ADAM22: variants seen among roughly 807,000 people sequenced by gnomAD.
The protein encoded by ADAM22 is disintegrin and metalloproteinase domain-containing protein 22.
A neutral mutation model predicts 144.6 loss-of-function variants in ADAM22; 65 were observed. The ratio of observed to expected loss-of-function variants is 0.45; its 90% CI spans 0.37 to 0.55. ADAM22 has a LOEUF of 0.55. Among genes scored for constraint, ADAM22 ranks in the 20% least tolerant of loss-of-function variants. ADAM22 has a pLI of 0.00. For missense variants in ADAM22, 974 were observed against 1,184.9 expected (o/e 0.82, Z 2.61); for synonymous variants, 391 against 412.6 (o/e 0.95, Z 0.63).
intron 17 of ADAM22, among the ~76,000 whole-genome samples, chr7:88,147,024 C>T (rs1836689906): frequency 6.6e-6 from 1 of 152,228 alleles, no homozygotes; most frequent in African/African-American, 2.4e-5. Context: ...TGTTTTAAGT[C>T]TGCCCATCTA....
intron 14 of ADAM22, among the ~76,000 whole-genome samples, chr7:88,140,659 G>A (rs559280608): frequency 2.0e-5 from 3 of 152,008 alleles, no homozygotes; most frequent in South Asian, 2.1e-4. Context: ...CCTGGGCAAC[G>A]TGGGGAAACT....
chr7:88,191,570 C>A (rs1344358003), intron 30 of ADAM22, among the ~76,000 whole-genome samples: 2 of 152,000 alleles, frequency 1.3e-5, no homozygotes, highest in African/African-American at 4.8e-5. Flanking sequence ...CTTACATGTA[C>A]CAAATTTGTT....
chr7:88,182,657 G>C (rs911854472), intron 29 of ADAM22, among the ~76,000 whole-genome samples: 1 of 151,854 alleles, frequency 6.6e-6, no homozygotes, highest in Non-Finnish European at 1.5e-5. Context: ...AGGGGGGTGG[G>C]TTTAGAAGTC....
intron 3 of ADAM22, among the ~76,000 whole-genome samples, chr7:88,053,151 C>A (rs1335690828): frequency 6.6e-6 from 1 of 152,054 alleles, no homozygotes; most frequent in Non-Finnish European, 1.5e-5. Flanking sequence ...TGAATATACA[C>A]AGACACACAG....
chr7:88,103,592 A>C (rs1442230712), intron 4 of ADAM22, among the ~76,000 whole-genome samples: 1 of 152,150 alleles, frequency 6.6e-6, no homozygotes, highest in Non-Finnish European at 1.5e-5. Context: ...AAGGAGTATG[A>C]AGAAAGTTTC....
chr7:88,096,502 A>G (rs76462560), intron 4 of ADAM22, among the ~76,000 whole-genome samples: 7,218 of 149,028 alleles, frequency 0.048, 463 homozygotes, highest in East Asian at 0.26. Flanking sequence ...CCACACACAC[A>G]TATATATATA....
intron 2 of ADAM22, among the ~76,000 whole-genome samples, chr7:87,976,661 G>A (rs147181367): frequency 6.6e-6 from 1 of 152,308 alleles, no homozygotes; most frequent in Non-Finnish European, 1.5e-5. Context: ...CAGCTTTGGG[G>A]AAGTGTCTAG....
intron 3 of ADAM22, among the ~76,000 whole-genome samples, chr7:88,006,655 T>C (rs1161903621): frequency 6.1e-5 from 9 of 147,404 alleles, no homozygotes; most frequent in Admixed American, 2.8e-4. Flanking sequence ...AAAAACCACA[T>C]GATTATCTCA....
Position 88,151,261 on chromosome 7 carries a change from T to C in ADAM22, c.1622T>C (p.Ile541Thr), listed in dbSNP as rs1838279488. The C allele has an allele frequency of 1.2e-6, 2 of 1,614,018 alleles. No homozygotes were observed. Among genetic ancestry groups the C allele is most frequent in the African/African-American group, 1.3e-5 (1 of 74,934 alleles). ...DGYSCDGVQG[I>T]CFGGRCKTRD... is the part of the protein sequence containing the mutation. ...GTATTTGCTTTTCCGTTTTAGGGAA[T>C]TTGCTTTGGAGGAAGATGCAAAACC... is the stretch of plus-strand genomic sequence containing the variant. Residue 541 changes from isoleucine to threonine, a missense_variant, in exon 20 of 32, where the codon ATT becomes ACT. This residue lies in a region of ADAM22 where 734 missense variants were observed against 950.6 expected (regional missense o/e 0.77). Transcript: ENST00000413139.
chr7:88,072,798 G>T (rs1234198426), intron 3 of ADAM22, among the ~76,000 whole-genome samples: 2 of 152,154 alleles, frequency 1.3e-5, no homozygotes, highest in Non-Finnish European at 2.9e-5. Flanking sequence ...TACATCTGGG[G>T]AAGTTTTTAA....
At position 87,937,472 on chromosome 7, in the gene ADAM22, A is replaced by G. The variant is rs945503941; in HGVS notation, c.246+2286A>G. On this transcript the variant is annotated intron_variant, in intron 2 of 31. Coordinates refer to ENST00000413139, the MANE Select transcript of ADAM22 (RefSeq NM_001324418.2). The stretch of plus-strand genomic sequence containing the variant: ...AGACTGAGGGAAGAAGAGATACAGA[A>G]AAAGAAAATGACAGGATTGAACCTG... Among the ~76,000 whole-genome samples the G allele has an allele frequency of 6.6e-5, 10 of 152,328 alleles. No homozygotes were observed. In the South Asian group the frequency reaches 2.1e-3, roughly 32 times the overall value.
intron 12 of ADAM22, 66 bp downstream of exon 12, chr7:88,133,017 GAGATAATTTCTCAGTATTCACATACTCC>G: frequency 7.0e-7 from 1 of 1,433,112 alleles, no homozygotes; most frequent in Non-Finnish European, 9.8e-7. Flanking sequence ...TCATACTTAA[GAGATAATTTCTCAGTATTCACATACTCC>G]AGATGTTAGA....
chr7:87,984,044 A>G (rs1313671651), intron 3 of ADAM22, among the ~76,000 whole-genome samples: 1 of 152,114 alleles, frequency 6.6e-6, no homozygotes, highest in Non-Finnish European at 1.5e-5. Flanking sequence ...TGGATAATTC[A>G]TTGTTTTGTC....
chr7:88,125,340 A>G (rs1830153463), intron 7 of ADAM22, among the ~76,000 whole-genome samples: 1 of 152,048 alleles, frequency 6.6e-6, no homozygotes, highest in African/African-American at 2.4e-5. Flanking sequence ...TGATATTTAT[A>G]AGAGAAATAT....
At chr7:87,944,278 T>C (rs1843032299) in intron 2 of ADAM22, among the ~76,000 whole-genome samples, 3 of 151,214 alleles carry the variant, frequency 2.0e-5, no homozygotes, top group African/African-American at 7.4e-5. Context: ...GTCAGGCTGG[T>C]ACACACAATT....
chr7:88,044,132 G>A (rs1029786633), intron 3 of ADAM22, among the ~76,000 whole-genome samples: 6 of 152,182 alleles, frequency 3.9e-5, no homozygotes, highest in Non-Finnish European at 5.9e-5. Context: ...TTTCAAAATT[G>A]TAGTCAAATA....
At chr7:88,159,115 A>G (rs1840835327) in intron 22 of ADAM22, among the ~76,000 whole-genome samples, 1 of 152,282 alleles carries the variant, frequency 6.6e-6, no homozygotes, top group African/African-American at 2.4e-5. Context: ...ATCAGAGACT[A>G]CTACGAACAC....
chr7:88,132,941 G>T lies in ADAM22; in HGVS notation c.1067G>T (p.Gly356Val), dbSNP rs1360279231. ...ATTTGCTCGTTGCTGAAAGGAGGAG[G>T]CGTGAATGAAGTAGGTGTGAACATC... is the stretch of plus-strand genomic sequence containing the variant. ...GGICSLLKGGGVNEFGKTDLM... is the reference protein window; with the variant it reads ...GGICSLLKGGVVNEFGKTDLM... The change falls in exon 12 of 32, where the codon GGC (glycine) becomes GTC (valine). Residue 356 changes from glycine to valine, a missense_variant. By Grantham distance (109) the Gly-to-Val change is moderately radical. This residue lies in a region of ADAM22 where 734 missense variants were observed against 950.6 expected (regional missense o/e 0.77). Transcript: ENST00000413139. 6.2e-7 allele frequency: 1 copy of T among 1,613,956 alleles called. No homozygotes were observed. Among genetic ancestry groups the T allele is most frequent in the Non-Finnish European group, 8.5e-7 (1 of 1,179,876 alleles).
At chr7:87,984,276 C>T (rs1318046039) in intron 3 of ADAM22, among the ~76,000 whole-genome samples, 3 of 152,124 alleles carry the variant, frequency 2.0e-5, no homozygotes, top group Non-Finnish European at 4.4e-5. Flanking sequence ...CTGCAGACAG[C>T]TGCTCTGCCG....
Sources: gnomAD v4.1 joint callset for allele counts (sites outside exome capture counted in the v4.1 genomes callset) on GRCh38, gnomAD v4.1.1 for gene constraint, gnomAD v4.1.1 regional missense constraint, MANE v1.5 for transcripts, NCBI Gene and HGNC (gene_info 2026-07-23, HGNC 2026-07-21) for gene names.